The following NIN variants were observed in gnomAD, a reference collection of about 807,000 sequenced individuals.
The protein encoded by NIN is ninein.
NIN carries 137 observed loss-of-function variants against 257.6 expected under a neutral mutation model. The observed-to-expected ratio is 0.53, with a 90% CI of 0.46 to 0.61. NIN has a LOEUF of 0.61. Among genes scored for constraint, NIN ranks in the 20% least tolerant of loss-of-function variants. The pLI is 0.00. For synonymous variants in NIN, 918 were observed against 919.8 expected (o/e 1.00, Z 0.04); for missense variants, 2,439 against 2,501.2 (o/e 0.98, Z 0.53).
chr14:50,801,114 A>C, intron 4 of NIN, among the ~76,000 whole-genome samples: 1 of 122,042 alleles, frequency 8.2e-6, no homozygotes, highest in African/African-American at 3.2e-5. Context: ...TTTTTGAGAC[A>C]GAGTCTCGCT....
At chr14:50,768,053 A>T (rs1455555745) in intron 12 of NIN, among the ~76,000 whole-genome samples, 1 of 1,442 alleles carries the variant, frequency 6.9e-4, no homozygotes, top group Non-Finnish European at 1.8e-3. Flanking sequence ...ACATTTGCCA[A>T]CACACACACA....
chr14:50,790,980 T>C (rs2043565981), intron 5 of NIN, among the ~76,000 whole-genome samples: 2 of 152,058 alleles, frequency 1.3e-5, no homozygotes, highest in Non-Finnish European at 2.9e-5. Context: ...TAGAAACTCA[T>C]GTCAAAAAAA....
intron 30 of NIN, 103 bp downstream of exon 30, chr14:50,725,850 T>C (rs754810162): frequency 6.9e-6 from 11 of 1,594,048 alleles, no homozygotes; most frequent in Non-Finnish European, 9.4e-6. Context: ...TTTGCCTTTA[T>C]TAGACAACAT....
chr14:50,750,059 T>G (rs2041722904), intron 21 of NIN, among the ~76,000 whole-genome samples: 1 of 152,204 alleles, frequency 6.6e-6, no homozygotes, highest in African/African-American at 2.4e-5. Context: ...TCATTTATTT[T>G]GGTGATCAAA....
rs889676909 is a variant in NIN at position 50,720,319 on chromosome 14, C to A, written c.*3144G>T. The A allele has an allele frequency of 9.1e-6, 2 of 219,846 alleles. No homozygotes were observed. The highest frequency in any genetic ancestry group is 1.8e-5 in the Non-Finnish European group (2 of 109,760). 13.6% of individuals were successfully genotyped at this position (219,846 alleles called of 1,614,324 possible). A position where few individuals can be genotyped will look rare whatever the true frequency, so the allele number is the denominator to read the frequency against. On this transcript the variant is annotated 3_prime_UTR_variant, in exon 31 of 31. Coordinates refer to ENST00000530997, the MANE Select transcript of NIN (RefSeq NM_020921.4). ...CTTAGCCTTGCCTTGACTGGAAATA[C>A]CTTTAAGATGCTGACAATAGCAACA...
At chr14:50,798,415 AC>A (rs35568185) in intron 4 of NIN, among the ~76,000 whole-genome samples, 1 of 151,660 alleles carries the variant, frequency 6.6e-6, no homozygotes, top group South Asian at 2.1e-4. Flanking sequence ...GAAAGTTACC[AC>A]CCCCCGAAGG....
At chr14:50,764,031 A>C in intron 14 of NIN, 67 bp from the exon 15 acceptor site, 4 of 1,398,428 alleles carry the variant, frequency 2.9e-6, no homozygotes, top group Middle Eastern at 1.9e-4. Context: ...ACAACAACAA[A>C]AAAGATAAAT....
At position 50,736,311 on chromosome 14, in the gene NIN, T is replaced by A. The variant is rs76144867; in HGVS notation, c.5776-694A>T. Among the ~76,000 whole-genome samples, 86 of 135,184 alleles carry A rather than the reference T, an allele frequency of 6.4e-4. 1 individual carries two copies. The East Asian group carries it at 0.011, about 17-fold the overall frequency. The allele number at this position is 135,184 out of a possible 152,430, so 88.7% of individuals were successfully genotyped here. ...CTGCACCCAGCTAGTTTTTGTATATTTTTTTTTTTTAGAGATGGGATTTCA... is the reference window on the plus strand; with the variant it reads ...CTGCACCCAGCTAGTTTTTGTATATATTTTTTTTTTAGAGATGGGATTTCA... On this transcript the variant is annotated intron_variant, in intron 27 of 30. Coordinates refer to ENST00000530997, the MANE Select transcript of NIN (RefSeq NM_020921.4).
chr14:50,815,646 C>T (rs35383727), intron 3 of NIN, among the ~76,000 whole-genome samples: 13,054 of 152,202 alleles, frequency 0.086, 714 homozygotes, highest in Admixed American at 0.14. Flanking sequence ...AACCCAAATG[C>T]CCATCAATGA....
intron 5 of NIN, among the ~76,000 whole-genome samples, chr14:50,785,543 T>C (rs1351539565): frequency 2.0e-5 from 3 of 152,074 alleles, no homozygotes; most frequent in Admixed American, 6.5e-5. Context: ...AGGAAGGAAA[T>C]GTACTAGAGT....
Position 50,766,930 on chromosome 14 carries a change from GA to G in NIN, c.1435-41del, listed in dbSNP as rs780801858. 4.2e-5 allele frequency: 57 copies of G among 1,354,598 alleles called. No homozygotes were observed. In the South Asian group the frequency reaches 5.5e-4, roughly 13 times the overall value. 83.9% of individuals were successfully genotyped at this position (1,354,598 alleles called of 1,614,324 possible). A position where few individuals can be genotyped will look rare whatever the true frequency, so the allele number is the denominator to read the frequency against. On this transcript the variant is annotated intron_variant, in intron 12 of 30. Coordinates refer to ENST00000530997, the MANE Select transcript of NIN (RefSeq NM_020921.4). The stretch of plus-strand genomic sequence containing the variant: ...GGAAATTAAATGTGGTACAGATTAA[GA>G]AATTAGCAAACTGTGGTACTATTTT...
At chr14:50,774,426 C>T (rs950292397) in intron 7 of NIN, among the ~76,000 whole-genome samples, 3 of 152,188 alleles carry the variant, frequency 2.0e-5, no homozygotes, top group Non-Finnish European at 4.4e-5. Context: ...CATACGACTT[C>T]CTCTGGAGGG....
intron 5 of NIN, among the ~76,000 whole-genome samples, chr14:50,788,999 A>C (rs535561931): frequency 2.6e-5 from 4 of 152,184 alleles, no homozygotes; most frequent in Non-Finnish European, 4.4e-5. Context: ...GAAGTCCAAA[A>C]AGGTGAGCTG....
At chr14:50,734,089 T>C (rs548574298) in intron 28 of NIN, among the ~76,000 whole-genome samples, 2 of 149,518 alleles carry the variant, frequency 1.3e-5, no homozygotes, top group African/African-American at 4.9e-5. Flanking sequence ...CTTCTTTATT[T>C]TTTTTTTTTT....
In NIN at chr14:50,748,106, C is replaced by A; in HGVS notation, c.4951-1G>T. On this transcript the variant is annotated splice_acceptor_variant, in intron 21 of 30. Transcript: ENST00000530997. LOFTEE classifies it high-confidence loss of function. ...CCAGAGAAGACACTAAAGTGGAGGA[C>A]TAAGAGAAAAATGAAAAAGTCAAAT... 6.3e-7 allele frequency: 1 copy of A among 1,598,924 alleles called. No homozygotes were observed. Among genetic ancestry groups the A allele is most frequent in the Admixed American group, 1.7e-5 (1 of 59,836 alleles).
At chr14:50,815,055 C>G (rs1052932651) in intron 3 of NIN, among the ~76,000 whole-genome samples, 20 of 152,168 alleles carry the variant, frequency 1.3e-4, no homozygotes, top group Admixed American at 4.6e-4. Flanking sequence ...TCTAATTAAA[C>G]TAAAGAGCTT....
chr14:50,780,441 T>A (rs942895227), intron 5 of NIN, among the ~76,000 whole-genome samples: 1 of 152,226 alleles, frequency 6.6e-6, no homozygotes, highest in South Asian at 2.1e-4. Context: ...AGAACTTGGA[T>A]TCCTCATGAC....
chr14:50,822,254 C>A (rs950994490), intron 2 of NIN, among the ~76,000 whole-genome samples, 177 bp from the exon 3 acceptor site: 1 of 152,200 alleles, frequency 6.6e-6, no homozygotes, highest in Non-Finnish European at 1.5e-5. Context: ...CCAGCCCTGG[C>A]CAGTGACACT....
chr14:50,736,997 C>T (rs185465126), intron 27 of NIN, among the ~76,000 whole-genome samples: 6 of 152,190 alleles, frequency 3.9e-5, no homozygotes, highest in South Asian at 2.1e-4. Flanking sequence ...GAGGTGTGAC[C>T]AGGGGGTAGC....
Sources: gnomAD v4.1 joint callset for allele counts (sites outside exome capture counted in the v4.1 genomes callset) on GRCh38, gnomAD v4.1.1 for gene constraint, MANE v1.5 for transcripts, NCBI Gene and HGNC (gene_info 2026-07-23, HGNC 2026-07-21) for gene names.